The following WDFY4 variants were observed in gnomAD, a reference collection of about 807,000 sequenced individuals.
WDFY4 encodes the protein WD repeat- and FYVE domain-containing protein 4.
Under a neutral mutation model 351.9 loss-of-function variants are expected in WDFY4, and 169 were observed. The observed-to-expected ratio is 0.48, with a 90% CI of 0.42 to 0.55. The LOEUF (loss-of-function observed/expected upper bound fraction) is 0.55. WDFY4 is among the 20% of genes least tolerant of loss of function. The pLI is 0.00. For synonymous variants in WDFY4, 1,622 were observed against 1,574.6 expected, an observed-to-expected ratio of 1.03 and a Z score of -0.71; for missense variants, 3,803 against 3,935.6, an observed-to-expected ratio of 0.97 and a Z score of 0.90.
Position 48,981,393 on chromosome 10 carries a change from T to C in WDFY4, c.9403T>C (p.Leu3135=). The change falls in exon 61 of 62, where the codon TTG becomes CTG. Residue 3135 remains leucine, a synonymous_variant. Transcript: ENST00000325239. Reference sequence around the variant, plus strand: ...CCACAAGTGGGAGAAGAACCTGGCCTTGAGTCGAGAGCTGGACGTTAGCAT... The same window carrying C: ...CCACAAGTGGGAGAAGAACCTGGCCCTGAGTCGAGAGCTGGACGTTAGCAT... The part of the protein sequence containing the change: ...RGHKWEKNLA[L]SRELDVSIAL... 6.4e-7 allele frequency: 1 copy of C among 1,551,758 alleles called. No homozygotes were observed. Among genetic ancestry groups the C allele is most frequent in the East Asian group, 2.4e-5 (1 of 40,926 alleles).
intron 31 of WDFY4, among the ~76,000 whole-genome samples, chr10:48,814,764 G>C (rs1191169329): frequency 6.6e-6 from 1 of 152,104 alleles, no homozygotes; most frequent in South Asian, 2.1e-4. Context: ...TAAACAAAAG[G>C]GAAAAACAGA....
chr10:48,709,570 G>C (rs914078934), intron 1 of WDFY4, 146 bp from the exon 2 acceptor site: 10 of 672,368 alleles, frequency 1.5e-5, no homozygotes, highest in African/African-American at 5.4e-5. Context: ...TTTTAAAAAG[G>C]CTTCCTTATT....
intron 34 of WDFY4, 55 bp from the exon 35 acceptor site, chr10:48,822,325 T>C: frequency 6.8e-7 from 1 of 1,469,366 alleles, no homozygotes. Flanking sequence ...TTGGAGATTG[T>C]CATGGACAGA....
intron 1 of WDFY4, among the ~76,000 whole-genome samples, chr10:48,689,816 T>C (rs556333252): frequency 9.8e-5 from 15 of 152,354 alleles, no homozygotes; most frequent in African/African-American, 3.6e-4. Flanking sequence ...AGTACCTAAA[T>C]AAACCAGGGA....
rs1406398834 is a variant in WDFY4 at position 48,830,830 on chromosome 10, A to G, written c.6471A>G (p.Glu2157=). 12 of 1,551,530 alleles carry G rather than the reference A, an allele frequency of 7.7e-6. No individual in the cohort carries two copies. In the South Asian group the frequency reaches 1.4e-4, roughly 18 times the overall value. The change falls in exon 38 of 62, where the codon GAA becomes GAG. Residue 2157 remains glutamate, a synonymous_variant. Coordinates refer to ENST00000325239, the MANE Select transcript of WDFY4 (RefSeq NM_001394531.1). ...CTGGAGAGAGGGAAGTGAAGATTGA[A>G]GAGGTCACACCGCTCTGGGAGGAGA... ...VKPGEREVKI[E]EVTPLWEETM... is the part of the protein sequence containing the mutation.
In WDFY4 at chr10:48,885,730, C is replaced by CTA. The variant is rs1318839729; in HGVS notation, c.7168-4848_7168-4847insAT. 5.5e-3 allele frequency among the ~76,000 whole-genome samples: 829 copies of CTA among 151,114 alleles called. 9 individuals carry two copies. The highest frequency in any genetic ancestry group is 0.018 in the African/African-American group (749 of 40,946). On this transcript the variant is annotated intron_variant, in intron 43 of 61. Transcript: ENST00000325239. ...AAGGAGATGTTCTCTCTCTCTCTCT[C>CTA]TCTCTATATATATAGATAGATAGGT...
At position 48,835,095 on chromosome 10, in the gene WDFY4, C is replaced by T. The variant is rs150549261; in HGVS notation, c.6663+2386C>T. 8.3e-4 allele frequency among the ~76,000 whole-genome samples: 126 copies of T among 152,294 alleles called. 3 individuals are homozygous for T. The East Asian group carries it at 0.02, about 25-fold the overall frequency. ...GTTCATTCAACAAATATTTATTGAG[C>T]ACTTACTCTGTACCCTGCTCTCAGC... On this transcript the variant is annotated intron_variant, in intron 39 of 61. Coordinates refer to ENST00000325239, the MANE Select transcript of WDFY4 (RefSeq NM_001394531.1).
chr10:48,888,414 A>T lies in WDFY4; in HGVS notation c.7168-2165A>T, dbSNP rs112764549. On this transcript the variant is annotated intron_variant, in intron 43 of 61. Transcript: ENST00000325239. ...GTCAATTCTCCATCTTCTTGTTTAG[A>T]TACACCCACTTCCTTCCCTCTGCAT... Among the ~76,000 whole-genome samples, 418 of 151,354 alleles carry T rather than the reference A, an allele frequency of 2.8e-3. 3 individuals are homozygous for T. Among genetic ancestry groups the T allele is most frequent in the African/African-American group, 9.5e-3 (392 of 41,148 alleles).
At chr10:48,809,778 G>GT (rs2067387162) in intron 28 of WDFY4, among the ~76,000 whole-genome samples, 5 of 152,222 alleles carry the variant, frequency 3.3e-5, no homozygotes, top group African/African-American at 1.2e-4. Context: ...TCAGAGGCAG[G>GT]GCTAGAAAAG....
At chr10:48,926,441 A>G (rs903198249) in intron 47 of WDFY4, among the ~76,000 whole-genome samples, 2 of 152,154 alleles carry the variant, frequency 1.3e-5, no homozygotes, top group East Asian at 3.9e-4. Context: ...GATGGTGTGC[A>G]CTCTGGCTGA....
rs1164114131 is a variant in WDFY4, at chr10:48,787,865, TTCTTTC to T, written c.3809-663_3809-658del. ...TTCTTCTTCTTCTTCTTCTTTCTTC[TTCTTTC>T]TTCTTTCTTTCTTCTTCTTCTCCTT... On this transcript the variant is annotated intron_variant, in intron 20 of 61. Coordinates refer to ENST00000325239, the MANE Select transcript of WDFY4 (RefSeq NM_001394531.1). 7.6e-4 allele frequency among the ~76,000 whole-genome samples: 103 copies of T among 135,564 alleles called. 12 individuals carry two copies. Among genetic ancestry groups the T allele is most frequent in the African/African-American group, 3.1e-3 (92 of 29,316 alleles). 88.9% of individuals were successfully genotyped at this position (135,564 alleles called of 152,430 possible).
intron 47 of WDFY4, among the ~76,000 whole-genome samples, chr10:48,940,279 C>T (rs544591449): frequency 2.6e-5 from 4 of 152,348 alleles, no homozygotes; most frequent in South Asian, 2.1e-4. Context: ...AGCAGTATAT[C>T]GGAGCATGTT....
At chr10:48,686,798 T>C (rs541409615) in intron 1 of WDFY4, among the ~76,000 whole-genome samples, 1 of 152,316 alleles carries the variant, frequency 6.6e-6, no homozygotes, top group African/African-American at 2.4e-5. Flanking sequence ...TATTTTTTTT[T>C]CTATTATAAG....
intron 12 of WDFY4, among the ~76,000 whole-genome samples, chr10:48,756,083 T>C (rs1202006417): frequency 1.3e-5 from 2 of 152,110 alleles, no homozygotes; most frequent in Non-Finnish European, 1.5e-5. Context: ...GGGATTTTTA[T>C]TGGAATTGCA....
In WDFY4 at chr10:48,867,285, G is replaced by C; in HGVS notation, c.6684G>C (p.Glu2228Asp). The C allele has an allele frequency of 2.7e-6, 4 of 1,487,238 alleles. No homozygotes were observed. Among genetic ancestry groups the C allele is most frequent in the Non-Finnish European group, 3.6e-6 (4 of 1,113,476 alleles). 92.1% of individuals were successfully genotyped at this position (1,487,238 alleles called of 1,614,324 possible). The change falls in exon 40 of 62, where the codon GAG becomes GAC. Residue 2228 changes from glutamate to aspartate, a missense_variant. Glu to Asp is a conservative substitution (Grantham distance 45, BLOSUM62 2). Coordinates refer to ENST00000325239, the MANE Select transcript of WDFY4 (RefSeq NM_001394531.1). The part of the protein sequence containing the change: ...CKTEDFVSCI[E>D]NYRRRGQELY... ...TCCAGGATTTTGTGTCATGTATAGA[G>C]AACTACAGAAGAAGAGGACAAGAGC...
Position 48,723,531 on chromosome 10 carries a change from T to G in WDFY4, c.555T>G (p.Leu185=), listed in dbSNP as rs376249976. The change falls in exon 5 of 62, where the codon CTT becomes CTG. Residue 185 remains leucine (L), a synonymous_variant. Transcript: ENST00000325239. ...FVFPLDKDEL[L]ESDLQVQKMF... is the part of the protein sequence containing the mutation. ...TTCCTCTGGACAAAGATGAGCTTCT[T>G]GAGAGTGATCTTCAAGTTCAAAAGA... 2.6e-6 allele frequency: 4 copies of G among 1,551,922 alleles called. No individual in the cohort carries two copies. The highest frequency in any genetic ancestry group is 1.4e-5 in the African/African-American group (1 of 73,162).
chr10:48,959,158 G>A (rs1047392154), intron 52 of WDFY4, among the ~76,000 whole-genome samples: 1 of 152,194 alleles, frequency 6.6e-6, no homozygotes, highest in Non-Finnish European at 1.5e-5. Flanking sequence ...GGGGAGGAGG[G>A]AGACTTGGGT....
intron 24 of WDFY4, among the ~76,000 whole-genome samples, chr10:48,802,942 G>T (rs1052859727): frequency 2.6e-5 from 4 of 152,166 alleles, no homozygotes; most frequent in Non-Finnish European, 5.9e-5. Context: ...CATTTGTCTT[G>T]CAGGATCCAG....
At chr10:48,770,700 A>G (rs1333170516) in intron 13 of WDFY4, among the ~76,000 whole-genome samples, 2 of 152,228 alleles carry the variant, frequency 1.3e-5, no homozygotes, top group African/African-American at 4.8e-5. Context: ...TTCCATGGGG[A>G]AGAGTGAAAG....
Sources: allele counts gnomAD v4.1 joint callset (sites outside exome capture counted in the v4.1 genomes callset), GRCh38; gene constraint gnomAD v4.1.1; transcripts MANE v1.5; gene names NCBI Gene and HGNC (gene_info 2026-07-23, HGNC 2026-07-21).